The following CHD9 variants were observed in gnomAD, a reference collection of about 807,000 sequenced individuals.
CHD9 encodes the protein chromodomain helicase DNA binding protein 9, also known as ATP-dependent chromatin remodeler CHD9.
Under a neutral mutation model 316.1 loss-of-function variants are expected in CHD9, and 77 were observed. That is an observed-to-expected ratio of 0.24 (90% CI 0.20 to 0.29). The LOEUF is 0.29. Ranked by LOEUF, CHD9 falls within the 10% of genes least tolerant of loss-of-function variation. The pLI, the probability that CHD9 is intolerant of heterozygous loss-of-function variation, is 1.00. For synonymous variants in CHD9, 1,129 were observed against 1,158.3 expected (o/e 0.97, Z 0.51); for missense variants, 2,763 against 3,438.1 (o/e 0.80, Z 4.91).
At chr16:53,148,846 G>T (rs186036744) in intron 1 of CHD9, among the ~76,000 whole-genome samples, 1 of 152,142 alleles carries the variant, frequency 6.6e-6, no homozygotes, top group African/African-American at 2.4e-5. Context: ...GTTTCCTTAG[G>T]GGTACAATTA....
chr16:53,186,298 A>C (rs1018584679), intron 2 of CHD9, among the ~76,000 whole-genome samples: 2 of 152,182 alleles, frequency 1.3e-5, no homozygotes, highest in Non-Finnish European at 2.9e-5. Flanking sequence ...TTGGAACTTT[A>C]AGGTTTAATG....
chr16:53,310,123 C>T (rs1223030587), intron 34 of CHD9, among the ~76,000 whole-genome samples: 4 of 152,212 alleles, frequency 2.6e-5, no homozygotes, highest in Non-Finnish European at 4.4e-5. Context: ...GCTTCATCAG[C>T]ATCAGTTTGG....
chr16:53,299,660 C>G (rs957340500), intron 30 of CHD9: 1 of 354,906 alleles, frequency 2.8e-6, no homozygotes, highest in South Asian at 2.7e-5. Flanking sequence ...CAAAGAAGAT[C>G]GAGGGCCTCC....
At chr16:53,080,787 A>G (rs1478182171) in intron 1 of CHD9, among the ~76,000 whole-genome samples, 1 of 151,084 alleles carries the variant, frequency 6.6e-6, no homozygotes, top group East Asian at 1.9e-4. Context: ...CTACTCCTCC[A>G]CCCCCACCTC....
intron 1 of CHD9, among the ~76,000 whole-genome samples, chr16:53,057,440 G>A (rs2032292538): frequency 6.6e-6 from 1 of 151,930 alleles, no homozygotes; most frequent in African/African-American, 2.4e-5. Context: ...GATACCTGAG[G>A]TCAAGAGTTC....
chr16:53,263,155 T>C, intron 20 of CHD9, 58 bp downstream of exon 20: 1 of 1,293,330 alleles, frequency 7.7e-7, no homozygotes, highest in Non-Finnish European at 1.1e-6. Context: ...GGCAATAGTA[T>C]TGTAATATTT....
At chr16:53,184,038 G>A (rs1486780625) in intron 2 of CHD9, among the ~76,000 whole-genome samples, 1 of 151,102 alleles carries the variant, frequency 6.6e-6, no homozygotes, top group African/African-American at 2.4e-5. Flanking sequence ...TCCTCCTCTT[G>A]GGTTCATGCC....
At chr16:53,189,229 G>A (rs2044288441) in intron 2 of CHD9, among the ~76,000 whole-genome samples, 1 of 151,970 alleles carries the variant, frequency 6.6e-6, no homozygotes, top group South Asian at 2.1e-4. Context: ...AGATAACCTT[G>A]TCTTGTTCAT....
rs565277537 is a variant in CHD9 at position 53,075,849 on chromosome 16, C to A, written c.-165+20772C>A. On this transcript the variant is annotated intron_variant, in intron 1 of 38. Coordinates refer to ENST00000447540, the MANE Select transcript of CHD9 (RefSeq NM_001308319.2). ...TTGAGGACCTGACGTACTGTTTTCC[C>A]CACAGGTATAGCTTTTTTACATTCC... Among the ~76,000 whole-genome samples the A allele has an allele frequency of 2.7e-3, 418 of 152,244 alleles. 1 individual carries two copies. Among genetic ancestry groups the A allele is most frequent in the Non-Finnish European group, 4.2e-3 (284 of 68,014 alleles).
chr16:53,292,742 G>A (rs2054451894), intron 28 of CHD9, 91 bp from the exon 29 acceptor site: 1 of 971,686 alleles, frequency 1.0e-6, no homozygotes, highest in Non-Finnish European at 1.6e-6. Flanking sequence ...CACATAGATT[G>A]AATTAAAAAT....
intron 1 of CHD9, among the ~76,000 whole-genome samples, chr16:53,061,266 GAC>G (rs1348166678): frequency 6.6e-6 from 1 of 152,128 alleles, no homozygotes; most frequent in Non-Finnish European, 1.5e-5. Context: ...AAACAAAAAA[GAC>G]AGACACACAA....
At chr16:53,322,272 C>T (rs566800328) in intron 38 of CHD9, among the ~76,000 whole-genome samples, 76 of 151,526 alleles carry the variant, frequency 5.0e-4, no homozygotes, top group African/African-American at 1.6e-3. Context: ...GCTAGGATTA[C>T]AGGCCTGAGC....
At chr16:53,154,172 G>T (rs2041336809) in intron 1 of CHD9, among the ~76,000 whole-genome samples, 1 of 151,916 alleles carries the variant, frequency 6.6e-6, no homozygotes, top group African/African-American at 2.4e-5. Flanking sequence ...AAGTATCTGG[G>T]CTTCCTAATT....
rs2049484748 is a variant in CHD9, at chr16:53,245,266, T to A, written c.3055-70T>A. The A allele has an allele frequency of 5.8e-6, 7 of 1,202,466 alleles. No individual in the cohort carries two copies. In the South Asian group the frequency reaches 1.3e-4, roughly 23 times the overall value. 74.5% of individuals were successfully genotyped at this position (1,202,466 alleles called of 1,614,324 possible). On this transcript the variant is annotated intron_variant, in intron 13 of 38. Coordinates refer to ENST00000447540, the MANE Select transcript of CHD9 (RefSeq NM_001308319.2). This position sits in a 1 kb window ranked among gnomAD's most constrained non-coding sequence, Gnocchi z 4.1. ...AAATATTTGCATATTGATCATTCGA[T>A]AATCTAAGTCAGCTTTCATATAATT...
chr16:53,130,193 C>A (rs2039159330), intron 1 of CHD9, among the ~76,000 whole-genome samples: 1 of 151,542 alleles, frequency 6.6e-6, no homozygotes, highest in African/African-American at 2.4e-5. Context: ...GCGCCGGCTA[C>A]TGCAGGTGCT....
intron 1 of CHD9, among the ~76,000 whole-genome samples, chr16:53,108,175 C>A (rs751560862): frequency 6.6e-6 from 1 of 152,078 alleles, no homozygotes; most frequent in African/African-American, 2.4e-5. Context: ...ATTAGCAATA[C>A]CCACTTTTAG....
chr16:53,208,455 T>TGCG, intron 2 of CHD9: 1 of 1,189,074 alleles, frequency 8.4e-7, no homozygotes, highest in Non-Finnish European at 1.1e-6. Context: ...GGAGTCGTAC[T>TGCG]GCATCGCCAT....
chr16:53,131,346 T>TG (rs939738378), intron 1 of CHD9: 2 of 8,474 alleles, frequency 2.4e-4, no homozygotes, highest in Non-Finnish European at 3.9e-4. Flanking sequence ...GCTCGGCCGG[T>TG]GGGGGGAGGG....
At chr16:53,132,272 A>C (rs1247318618) in intron 1 of CHD9, among the ~76,000 whole-genome samples, 1 of 152,194 alleles carries the variant, frequency 6.6e-6, no homozygotes, top group Non-Finnish European at 1.5e-5. Flanking sequence ...TGAAATATTC[A>C]TACCTAAGAA....
Sources: gnomAD v4.1 joint callset for allele counts (sites outside exome capture counted in the v4.1 genomes callset) on GRCh38, gnomAD v4.1.1 for gene constraint, Gnocchi (gnomAD v3.1) non-coding constraint, MANE v1.5 for transcripts, NCBI Gene and HGNC (gene_info 2026-07-23, HGNC 2026-07-21) for gene names.